The following ARID4A variants were observed in gnomAD, a reference collection of about 807,000 sequenced individuals.
ARID4A encodes AT-rich interactive domain-containing protein 4A.
ARID4A carries 39 observed loss-of-function variants against 148.6 expected under a neutral mutation model. The observed-to-expected ratio is 0.26, with a 90% CI of 0.20 to 0.34. ARID4A has a LOEUF of 0.34. Among genes scored for constraint, ARID4A ranks in the 10% least tolerant of loss-of-function variants. ARID4A has a pLI of 1.00. For synonymous variants in ARID4A, 475 were observed against 481.2 expected, an observed-to-expected ratio of 0.99 and a Z score of 0.17; for missense variants, 1,265 against 1,449.1, an observed-to-expected ratio of 0.87 and a Z score of 2.06.
At chr14:58,327,400 A>C (rs796508715) in intron 8 of ARID4A, among the ~76,000 whole-genome samples, 1 of 152,210 alleles carries the variant, frequency 6.6e-6, no homozygotes, top group Admixed American at 6.5e-5. Flanking sequence ...TTATATTGTT[A>C]AGATACTATT....
intron 15 of ARID4A, among the ~76,000 whole-genome samples, chr14:58,349,498 A>C (rs1323450904): frequency 2.0e-5 from 3 of 152,104 alleles, no homozygotes; most frequent in Non-Finnish European, 4.4e-5. Flanking sequence ...TACAAAAAAA[A>C]AAAAAAGTGC....
rs200632355 is a variant in ARID4A, at chr14:58,330,013, A to G, written c.750A>G (p.Lys250=). 1.0e-4 allele frequency: 162 copies of G among 1,609,398 alleles called. 2 individuals are homozygous for G. The South Asian group carries it at 1.7e-3, about 17-fold the overall frequency. ...CATTTTCACTCTTAGGGCTTCAGAA[A>G]GCAAGCATCTTCTTAAAAACTAGAG... ...SELSTKPGLQ[K]ASIFLKTRVV... Residue 250 remains lysine (K), a synonymous_variant, in exon 11 of 24, where the codon AAA becomes AAG. Transcript: ENST00000355431.
Position 58,320,093 on chromosome 14 carries a change from G to A in ARID4A, c.449+1288G>A, listed in dbSNP as rs187032468. On this transcript the variant is annotated intron_variant, in intron 7 of 23. Coordinates refer to ENST00000355431, the MANE Select transcript of ARID4A (RefSeq NM_002892.4). ...CTCCCGAGTAGTCAGAACTACAGGC[G>A]CGTGCCACCACGCCCAGCTAATTTT... Among the ~76,000 whole-genome samples the A allele has an allele frequency of 2.3e-3, 342 of 151,380 alleles. 3 individuals are homozygous for A. The highest frequency in any genetic ancestry group is 7.2e-3 in the African/African-American group (296 of 41,300).
At chr14:58,331,995 A>ATCC (rs2033548157) in intron 11 of ARID4A, among the ~76,000 whole-genome samples, 1 of 85,194 alleles carries the variant, frequency 1.2e-5, no homozygotes, top group Non-Finnish European at 2.2e-5. Context: ...CATTTTCCCT[A>ATCC]CCCCCCCCCC....
intron 8 of ARID4A, among the ~76,000 whole-genome samples, chr14:58,325,941 C>G (rs1021564870): frequency 1.1e-4 from 17 of 151,644 alleles, no homozygotes; most frequent in African/African-American, 4.1e-4. Flanking sequence ...AAGTAAGACA[C>G]TATTCTTACA....
At chr14:58,358,227 G>T (rs2034974976) in intron 17 of ARID4A, among the ~76,000 whole-genome samples, 5 of 152,118 alleles carry the variant, frequency 3.3e-5, no homozygotes, top group Admixed American at 3.3e-4. Context: ...CCAGCACTTT[G>T]GGAGACTGAG....
At chr14:58,316,674 G>A (rs1347603249) in intron 5 of ARID4A, among the ~76,000 whole-genome samples, 3 of 152,048 alleles carry the variant, frequency 2.0e-5, no homozygotes, top group Non-Finnish European at 2.9e-5. Context: ...TCTGCCTGCC[G>A]GGTTCAAGAG....
chr14:58,310,953 A>C (rs2031982370), intron 5 of ARID4A, among the ~76,000 whole-genome samples: 1 of 151,964 alleles, frequency 6.6e-6, no homozygotes, highest in Non-Finnish European at 1.5e-5. Context: ...CAATTTTTAA[A>C]ATGGGCAAAA....
At chr14:58,328,410 A>G (rs1309874333) in intron 9 of ARID4A, 94 bp downstream of exon 9, 11 of 839,588 alleles carry the variant, frequency 1.3e-5, no homozygotes, top group Admixed American at 5.4e-5. Flanking sequence ...TTTATTTTTA[A>G]AAGTCTAATC....
intron 7 of ARID4A, among the ~76,000 whole-genome samples, chr14:58,319,921 C>CTA (rs1036587875): frequency 2.7e-5 from 4 of 147,736 alleles, no homozygotes; most frequent in African/African-American, 9.9e-5. Context: ...GATTCCCTCT[C>CTA]TATATATATA....
At chr14:58,351,016 C>A (rs891729008) in intron 15 of ARID4A, 57 bp from the exon 16 acceptor site, 14 of 1,493,496 alleles carry the variant, frequency 9.4e-6, no homozygotes, top group Non-Finnish European at 1.1e-5. Context: ...ATATTTTTTC[C>A]TGCTTTTTTC....
At chr14:58,328,362 A>G in intron 9 of ARID4A, 46 bp downstream of exon 9, 1 of 1,298,568 alleles carries the variant, frequency 7.7e-7, no homozygotes, top group Non-Finnish European at 1.1e-6. Context: ...GGAAAAAAAA[A>G]ATAGAATTAC....
chr14:58,308,765 G>T lies in ARID4A; in HGVS notation c.274+2653G>T, dbSNP rs187646755. ...ATTGCTCTTTTCTGGAATTTTTTTT[G>T]ATTTCTAGTTCCTAGCAAAGTATTA... is the stretch of plus-strand genomic sequence containing the variant. On this transcript the variant is annotated intron_variant, in intron 5 of 23. Transcript: ENST00000355431. Among the ~76,000 whole-genome samples, 557 of 152,102 alleles carry T rather than the reference G, an allele frequency of 3.7e-3. 4 individuals carry two copies. The highest frequency in any genetic ancestry group is 6.7e-3 in the Non-Finnish European group (455 of 67,976).
intron 11 of ARID4A, among the ~76,000 whole-genome samples, chr14:58,337,268 A>ATATATATATATATATATATATATCT (rs1422819457): frequency 7.5e-6 from 1 of 133,928 alleles, no homozygotes; most frequent in Non-Finnish European, 1.6e-5. Flanking sequence ...ATATATATAT[A>ATATATATATATATATATATATATCT]ATTAAAACCG....
At chr14:58,327,201 A>G (rs1459140002) in intron 8 of ARID4A, among the ~76,000 whole-genome samples, 2 of 152,222 alleles carry the variant, frequency 1.3e-5, no homozygotes, top group African/African-American at 4.8e-5. Flanking sequence ...AGTGTTTAGC[A>G]CCATGTGACT....
At chr14:58,317,289 T>A (rs1340884428) in intron 5 of ARID4A, among the ~76,000 whole-genome samples, 1 of 150,364 alleles carries the variant, frequency 6.7e-6, no homozygotes, top group Middle Eastern at 3.4e-3. Flanking sequence ...TCTTCTTTTT[T>A]ATTTTTTTTT....
chr14:58,323,272 C>T (rs1440789796), intron 7 of ARID4A, among the ~76,000 whole-genome samples: 2 of 151,886 alleles, frequency 1.3e-5, no homozygotes, highest in Non-Finnish European at 2.9e-5. Context: ...ATTGATCTGG[C>T]GAAGTGGACT....
At chr14:58,353,929 A>G in intron 17 of ARID4A, 74 bp downstream of exon 17, 1 of 1,310,974 alleles carries the variant, frequency 7.6e-7, no homozygotes, top group Non-Finnish European at 1.1e-6. Flanking sequence ...AATGTTATGA[A>G]GAGTGAAAGC....
At chr14:58,303,063 C>T (rs368681862) in intron 3 of ARID4A, among the ~76,000 whole-genome samples, 3 of 151,746 alleles carry the variant, frequency 2.0e-5, no homozygotes, top group African/African-American at 4.8e-5. Context: ...TAATAGTCTT[C>T]GTTACTTTAT....
Sources: allele counts gnomAD v4.1 joint callset (sites outside exome capture counted in the v4.1 genomes callset), GRCh38; gene constraint gnomAD v4.1.1; transcripts MANE v1.5; gene names NCBI Gene and HGNC (gene_info 2026-07-23, HGNC 2026-07-21).